Variants in ANKRD11 observed in about 807,000 individuals in gnomAD.
ANKRD11 encodes ankyrin repeat domain-containing protein 11.
A neutral mutation model predicts 195.7 loss-of-function variants in ANKRD11; 17 were observed. That is an observed-to-expected ratio of 0.09 (90% CI 0.06 to 0.13). ANKRD11 has a LOEUF of 0.13. Ranked by LOEUF, ANKRD11 falls within the 10% of genes least tolerant of loss-of-function variation. The pLI is 1.00. For synonymous variants in ANKRD11, 1,953 were observed against 1,528.1 expected, an observed-to-expected ratio of 1.28 and a Z score of -6.49; for missense variants, 3,735 against 3,566.1, an observed-to-expected ratio of 1.05 and a Z score of -1.21.
At chr16:89,305,624 G>A (rs1177527442) in intron 3 of ANKRD11, among the ~76,000 whole-genome samples, 2 of 152,066 alleles carry the variant, frequency 1.3e-5, no homozygotes, top group African/African-American at 4.8e-5. Context: ...AGAAAGCAGA[G>A]GAGACACACA....
At chr16:89,434,622 T>G (rs2965819) in intron 1 of ANKRD11, among the ~76,000 whole-genome samples, 67,945 of 151,996 alleles carry the variant, frequency 0.45, 16,131 homozygotes, top group Middle Eastern at 0.66. Context: ...TGCCTATAAA[T>G]TCCACAACAG....
At chr16:89,320,182 G>C (rs1251625521) in intron 2 of ANKRD11, 3 of 152,234 alleles carry the variant, frequency 2.0e-5, no homozygotes, top group Admixed American at 1.3e-4. Context: ...TTGAAGCTGG[G>C]AGTCCCCTCT....
chr16:89,374,824 C>T (rs1051863822), intron 2 of ANKRD11, among the ~76,000 whole-genome samples: 2 of 152,090 alleles, frequency 1.3e-5, no homozygotes, highest in Admixed American at 6.5e-5. Context: ...TGGCTGCACA[C>T]GGCAAGTCAC....
chr16:89,358,211 A>C (rs1385710992), intron 2 of ANKRD11, among the ~76,000 whole-genome samples: 1 of 152,208 alleles, frequency 6.6e-6, no homozygotes, highest in Non-Finnish European at 1.5e-5. Context: ...CACAGCCCCC[A>C]CACCTCACTC....
At chr16:89,461,152 TAAGAG>T (rs2056649571) in intron 1 of ANKRD11, among the ~76,000 whole-genome samples, 1 of 116,782 alleles carries the variant, frequency 8.6e-6, no homozygotes, top group African/African-American at 3.5e-5. Context: ...GTGACATTCA[TAAGAG>T]AAGAAAGGAC....
intron 2 of ANKRD11, among the ~76,000 whole-genome samples, chr16:89,349,773 C>T (rs2039119238): frequency 6.6e-6 from 1 of 151,506 alleles, no homozygotes; most frequent in Non-Finnish European, 1.5e-5. Flanking sequence ...CAAGACAAAA[C>T]TATGAAGTTG....
intron 1 of ANKRD11, among the ~76,000 whole-genome samples, chr16:89,452,593 A>G (rs1420331769): frequency 6.6e-6 from 1 of 152,016 alleles, no homozygotes; most frequent in African/African-American, 2.4e-5. Flanking sequence ...CCTGGCCAAC[A>G]TGGTGAAACC....
intron 1 of ANKRD11, chr16:89,420,510 T>C (rs1052070364): frequency 6.6e-6 from 1 of 152,074 alleles, no homozygotes; most frequent in Non-Finnish European, 1.5e-5. Flanking sequence ...CCAAATCAGG[T>C]GAAAGTGAAA....
At chr16:89,357,041 A>G (rs900207923) in intron 2 of ANKRD11, among the ~76,000 whole-genome samples, 1 of 152,194 alleles carries the variant, frequency 6.6e-6, no homozygotes, top group Non-Finnish European at 1.5e-5. Flanking sequence ...CAGGCTTGAC[A>G]TCTTTTATTC....
intron 1 of ANKRD11, among the ~76,000 whole-genome samples, chr16:89,423,768 G>T (rs2042606857): frequency 1.3e-5 from 2 of 152,226 alleles, no homozygotes; most frequent in Admixed American, 1.3e-4. Context: ...CGTTTTAAAT[G>T]GTCCGTTTTC....
chr16:89,324,178 G>A (rs1046718964), intron 2 of ANKRD11: 12 of 1,143,852 alleles, frequency 1.0e-5, no homozygotes, highest in Middle Eastern at 2.8e-4. Flanking sequence ...TTATCACGGC[G>A]GGGGGTGGCA....
intron 1 of ANKRD11, among the ~76,000 whole-genome samples, chr16:89,433,080 C>T (rs1477012076): frequency 6.6e-6 from 1 of 152,082 alleles, no homozygotes; most frequent in Non-Finnish European, 1.5e-5. Context: ...ACAGCTCTCC[C>T]TTGGCCTCTG....
rs1359297780 is a variant in ANKRD11, at chr16:89,301,245, G to A, written c.226+3961C>T. 1.6e-5 allele frequency: 6 copies of A among 387,040 alleles called. 1 individual carries two copies. Among genetic ancestry groups the A allele is most frequent in the East Asian group, 3.8e-5 (1 of 26,030 alleles). 24.0% of individuals were successfully genotyped at this position (387,040 alleles called of 1,614,324 possible). On this transcript the variant is annotated intron_variant, in intron 4 of 12. Coordinates refer to ENST00000301030, the MANE Select transcript of ANKRD11 (RefSeq NM_013275.6). ...CCAAAGTGCTGGAAGGGTGAAGGGTGTGAGCCACTGTGCCTGGCTACTTTT... is the reference window on the plus strand; with the variant it reads ...CCAAAGTGCTGGAAGGGTGAAGGGTATGAGCCACTGTGCCTGGCTACTTTT...
At chr16:89,447,910 T>C (rs1282834073) in intron 1 of ANKRD11, among the ~76,000 whole-genome samples, 1 of 150,664 alleles carries the variant, frequency 6.6e-6, no homozygotes, top group Non-Finnish European at 1.5e-5. Flanking sequence ...GTTCAAGCAA[T>C]TGTCCTGTCT....
At chr16:89,395,874 C>T (rs1440301975) in intron 2 of ANKRD11, 1 of 152,204 alleles carries the variant, frequency 6.6e-6, no homozygotes, top group Non-Finnish European at 1.5e-5. Flanking sequence ...TGTTTCAACG[C>T]ACTACGTCCC....
intron 1 of ANKRD11, among the ~76,000 whole-genome samples, chr16:89,470,448 A>G (rs1395342532): frequency 6.6e-6 from 1 of 152,182 alleles, no homozygotes; most frequent in Non-Finnish European, 1.5e-5. Context: ...GAGGAGAGGC[A>G]GCCATGGGTG....
chr16:89,458,197 G>C (rs558479514), intron 1 of ANKRD11, among the ~76,000 whole-genome samples: 9 of 151,728 alleles, frequency 5.9e-5, no homozygotes, highest in Non-Finnish European at 1.3e-4. Context: ...TGTTCTTGTT[G>C]TACTTTAGCA....
chr16:89,424,869 A>T (rs1221790217), intron 1 of ANKRD11, among the ~76,000 whole-genome samples: 1 of 152,144 alleles, frequency 6.6e-6, no homozygotes, highest in Non-Finnish European at 1.5e-5. Flanking sequence ...AACTCAAATC[A>T]ATCAATCTCT....
At chr16:89,490,054 G>C (rs1359636768) in intron 1 of ANKRD11, among the ~76,000 whole-genome samples, 191 bp downstream of exon 1, 1 of 142,458 alleles carries the variant, frequency 7.0e-6, no homozygotes, top group South Asian at 2.2e-4. Context: ...GCCCGCTCCG[G>C]GACCCATTAT....
Sources: gnomAD v4.1 joint callset for allele counts (sites outside exome capture counted in the v4.1 genomes callset) on GRCh38, gnomAD v4.1.1 for gene constraint, MANE v1.5 for transcripts, NCBI Gene and HGNC (gene_info 2026-07-23, HGNC 2026-07-21) for gene names.